The following DNAAF4 variants were observed in gnomAD, a reference collection of about 807,000 sequenced individuals.
DNAAF4 encodes the protein dynein assembly factor 4, axonemal.
In DNAAF4, 43 loss-of-function variants were observed where a neutral mutation model predicts 51.8. That is an observed-to-expected ratio of 0.83 (90% CI 0.65 to 1.07). DNAAF4 has a LOEUF of 1.07. DNAAF4 is among the 50% of genes least tolerant of loss of function. The pLI is 0.00. For missense variants in DNAAF4, 581 were observed against 493.0 expected (o/e 1.18, Z -1.69); for synonymous variants, 194 against 165.6 (o/e 1.17, Z -1.32).
At position 55,460,212 on chromosome 15, in the gene DNAAF4, A is replaced by AC. The variant is rs559970031; in HGVS notation, c.637+6717dup. Among the ~76,000 whole-genome samples the AC allele has an allele frequency of 3.3e-3, 451 of 135,394 alleles. 1 individual carries two copies. Among genetic ancestry groups the AC allele is most frequent in the African/African-American group, 0.011 (436 of 38,184 alleles). 88.8% of individuals were successfully genotyped at this position (135,394 alleles called of 152,430 possible). A position where few individuals can be genotyped will look rare whatever the true frequency, so the allele number is the denominator to read the frequency against. ...ATTTTTTTTTTTGAGACAGAGTCTCACTCTGTCGCCCAGGCTGGAGTGCCG... is the reference window on the plus strand; with the variant it reads ...ATTTTTTTTTTTGAGACAGAGTCTCACCTCTGTCGCCCAGGCTGGAGTGCCG... On this transcript the variant is annotated intron_variant, in intron 5 of 9. Coordinates refer to ENST00000321149, the MANE Select transcript of DNAAF4 (RefSeq NM_130810.4).
At chr15:55,422,701 A>C (rs1016021614) in intron 7 of DNAAF4, among the ~76,000 whole-genome samples, 2 of 152,148 alleles carry the variant, frequency 1.3e-5, no homozygotes, top group African/African-American at 2.4e-5. Context: ...CTTCAAACAG[A>C]ATTATTTCAA....
intron 5 of DNAAF4, 138 bp from the exon 6 acceptor site, chr15:55,450,505 A>G (rs1387241556): frequency 7.6e-6 from 8 of 1,055,788 alleles, no homozygotes; most frequent in Non-Finnish European, 9.3e-6. Flanking sequence ...CAAGAAAAGA[A>G]TGCAAAATTT....
chr15:55,483,659 G>C (rs189246511), intron 4 of DNAAF4, among the ~76,000 whole-genome samples: 32 of 151,496 alleles, frequency 2.1e-4, no homozygotes, highest in African/African-American at 7.5e-4. Context: ...TCCTGCCTCA[G>C]CCTCCGGAGT....
At chr15:55,474,130 T>C (rs2141534486) in intron 4 of DNAAF4, among the ~76,000 whole-genome samples, 1 of 152,294 alleles carries the variant, frequency 6.6e-6, no homozygotes, top group South Asian at 2.1e-4. Flanking sequence ...GAAATACAAA[T>C]ATAGATTACA....
intron 6 of DNAAF4, among the ~76,000 whole-genome samples, chr15:55,448,903 CTG>C (rs1232717645): frequency 1.3e-5 from 2 of 151,034 alleles, no homozygotes; most frequent in African/African-American, 4.9e-5. Flanking sequence ...ATTATTATAA[CTG>C]TATAATTATA....
rs187891342 is a variant in DNAAF4, at chr15:55,503,210, C to T, written c.-255-4626G>A. Among the ~76,000 whole-genome samples, 1,257 of 152,138 alleles carry T rather than the reference C, an allele frequency of 8.3e-3. 17 individuals are homozygous for T. The highest frequency in any genetic ancestry group is 0.029 in the African/African-American group (1,203 of 41,500). On this transcript the variant is annotated intron_variant, in intron 1 of 9. Coordinates refer to ENST00000321149, the MANE Select transcript of DNAAF4 (RefSeq NM_130810.4). Reference sequence around the variant, plus strand: ...TAAATTCCTCGACACATACACCCTCCCAAAACTAAACCAGGAAGAATTTGA... The same window carrying T: ...TAAATTCCTCGACACATACACCCTCTCAAAACTAAACCAGGAAGAATTTGA...
Position 55,494,680 on chromosome 15 carries a change from G to A in DNAAF4, c.271+3032C>T, listed in dbSNP as rs2058617570. 2.6e-5 allele frequency among the ~76,000 whole-genome samples: 4 copies of A among 152,238 alleles called. No homozygotes were observed. In the South Asian group the frequency reaches 8.3e-4, roughly 32 times the overall value. ...ACCTGCCTCGGCCTCCCAAAGTGAT[G>A]GGATTACAAGCATGAGCCACTGCGC... On this transcript the variant is annotated intron_variant, in intron 3 of 9. Transcript: ENST00000321149.
intron 3 of DNAAF4, among the ~76,000 whole-genome samples, chr15:55,496,816 C>T (rs2058646807): frequency 6.6e-6 from 1 of 151,702 alleles, no homozygotes; most frequent in African/African-American, 2.4e-5. Flanking sequence ...TTTCATATAG[C>T]GATCATTTTG....
rs1043544618 is a variant in DNAAF4, at chr15:55,450,506, T to A, written c.638-139A>T. 6 of 1,048,400 alleles carry A rather than the reference T, an allele frequency of 5.7e-6. No homozygotes were observed. The African/African-American group carries it at 9.7e-5, about 17-fold the overall frequency. 64.9% of individuals were successfully genotyped at this position (1,048,400 alleles called of 1,614,324 possible). A position where few individuals can be genotyped will look rare whatever the true frequency, so the allele number is the denominator to read the frequency against. ...AAATATATTTTCTGCAAGAAAAGAA[T>A]GCAAAATTTAGCAATGATAATATAG... On this transcript the variant is annotated intron_variant, in intron 5 of 9. Coordinates refer to ENST00000321149, the MANE Select transcript of DNAAF4 (RefSeq NM_130810.4).
At chr15:55,498,755 A>G (rs1378417596) in intron 1 of DNAAF4, among the ~76,000 whole-genome samples, 171 bp from the exon 2 acceptor site, 1 of 151,670 alleles carries the variant, frequency 6.6e-6, no homozygotes, top group African/African-American at 2.4e-5. Context: ...AAAATACAAA[A>G]TTAGCCGGGC....
intron 4 of DNAAF4, among the ~76,000 whole-genome samples, chr15:55,475,454 G>C (rs1389445893): frequency 6.6e-6 from 1 of 152,148 alleles, no homozygotes; most frequent in Non-Finnish European, 1.5e-5. Context: ...CCCCCTCCCA[G>C]CTAGGATGAT....
At chr15:55,419,223 T>A (rs966068703) in intron 7 of DNAAF4, among the ~76,000 whole-genome samples, 3 of 151,200 alleles carry the variant, frequency 2.0e-5, no homozygotes, top group Non-Finnish European at 4.4e-5. Flanking sequence ...GCCAACACAC[T>A]TATATTTTTT....
chr15:55,501,060 G>A (rs1237169128), intron 1 of DNAAF4, among the ~76,000 whole-genome samples: 2 of 151,362 alleles, frequency 1.3e-5, no homozygotes, highest in Non-Finnish European at 2.9e-5. Context: ...GAGTAAGAAA[G>A]GATTTTTTTG....
intron 7 of DNAAF4, among the ~76,000 whole-genome samples, chr15:55,419,872 G>A (rs2057373551): frequency 6.6e-6 from 1 of 151,914 alleles, no homozygotes; most frequent in African/African-American, 2.4e-5. Flanking sequence ...CATGGCGGCG[G>A]GTGCCTGTAA....
chr15:55,499,462 A>G (rs2058681764), intron 1 of DNAAF4, among the ~76,000 whole-genome samples: 1 of 152,124 alleles, frequency 6.6e-6, no homozygotes, highest in Non-Finnish European at 1.5e-5. Context: ...TCTGGAATGC[A>G]CCTTTGTTTT....
intron 5 of DNAAF4, among the ~76,000 whole-genome samples, chr15:55,460,841 C>T (rs756561791): frequency 2.0e-5 from 3 of 150,588 alleles, no homozygotes; most frequent in South Asian, 4.2e-4. Context: ...CTCGACTCAC[C>T]GCAACCTCCA....
Position 55,473,197 on chromosome 15 carries a change from AAAT to A in DNAAF4, c.406-6039_406-6037del, listed in dbSNP as rs1217202935. ...AACAAAAAAAAAACCTAAAAAAAAAAAATATATATATATATATATATATATGTG... is the reference window on the plus strand; with the variant it reads ...AACAAAAAAAAAACCTAAAAAAAAAAATATATATATATATATATATATGTG... On this transcript the variant is annotated intron_variant, in intron 4 of 9. Coordinates refer to ENST00000321149, the MANE Select transcript of DNAAF4 (RefSeq NM_130810.4). Among the ~76,000 whole-genome samples the A allele has an allele frequency of 2.6e-4, 17 of 64,428 alleles. 1 individual carries two copies. The highest frequency in any genetic ancestry group is 9.5e-4 in the African/African-American group (17 of 17,864). The allele number at this position is 64,428 out of a possible 152,430, so 42.3% of individuals were successfully genotyped here. A position where few individuals can be genotyped will look rare whatever the true frequency, so the allele number is the denominator to read the frequency against.
chr15:55,468,726 T>A (rs2141512452), intron 4 of DNAAF4, among the ~76,000 whole-genome samples: 1 of 152,326 alleles, frequency 6.6e-6, no homozygotes, highest in East Asian at 1.9e-4. Flanking sequence ...ATGAAGTTTT[T>A]AAAATGCATA....
chr15:55,505,221 C>A (rs2141615277), intron 1 of DNAAF4, among the ~76,000 whole-genome samples: 1 of 152,248 alleles, frequency 6.6e-6, no homozygotes, highest in East Asian at 1.9e-4. Context: ...CAGTGAGATA[C>A]CATCTCACAC....
Sources: allele counts gnomAD v4.1 joint callset (sites outside exome capture counted in the v4.1 genomes callset), GRCh38; gene constraint gnomAD v4.1.1; transcripts MANE v1.5; gene names NCBI Gene and HGNC (gene_info 2026-07-23, HGNC 2026-07-21).